KRT74: variants seen among roughly 807,000 people sequenced by gnomAD.
The protein encoded by KRT74 is keratin, type II cytoskeletal 74.
Under a neutral mutation model 42.7 loss-of-function variants are expected in KRT74, and 43 were observed. That is an observed-to-expected ratio of 1.01 (90% confidence interval 0.79 to 1.30). The LOEUF is 1.30. Ranked by LOEUF, KRT74 falls within the 50% of genes most tolerant of loss-of-function variation. KRT74 has a pLI of 0.00. For missense variants in KRT74, 736 were observed against 689.1 expected (o/e 1.07, Z -0.76); for synonymous variants, 302 against 279.0 (o/e 1.08, Z -0.82).
At chr12:52,568,694 G>A (rs770526876) in intron 6 of KRT74, among the ~76,000 whole-genome samples, 6 of 152,212 alleles carry the variant, frequency 3.9e-5, no homozygotes, top group Non-Finnish European at 7.3e-5. Context: ...AAATACTACA[G>A]GTTCAGGAAA....
In KRT74 at chr12:52,568,223, G is replaced by A; in HGVS notation, c.1301C>T (p.Ala434Val). 1 of 1,614,144 alleles carries A rather than the reference G, an allele frequency of 6.2e-7. No individual in the cohort carries two copies. The highest frequency in any genetic ancestry group is 8.5e-7 in the Non-Finnish European group (1 of 1,180,024). The change falls in exon 7 of 9, where the codon GCC (alanine) becomes GTC (valine). Residue 434 changes from alanine (A) to valine (V), a missense_variant. Ala to Val is a moderately conservative substitution (Grantham distance 64). Transcript: ENST00000305620. ...EYQELMSLKL[A>V]LDMEIATYRK... ...GTAGGTGGCAATCTCCATGTCCAGG[G>A]CCAGTTTCAGGCTCATGAGCTCCTG...
At position 52,570,765 on chromosome 12, in the gene KRT74, G is replaced by T. The variant is rs763821413; in HGVS notation, c.912C>A (p.Asp304Glu). 1.2e-6 allele frequency: 2 copies of T among 1,614,238 alleles called. No homozygotes were observed. The highest frequency in any genetic ancestry group is 1.1e-5 in the South Asian group (1 of 91,084). Residue 304 changes from aspartate (D) to glutamate (E), a missense_variant, in exon 5 of 9, where the codon GAC becomes GAA. Physicochemically the swap from Asp to Glu is conservative, Grantham distance 45. Coordinates refer to ENST00000305620, the MANE Select transcript of KRT74 (RefSeq NM_175053.4). ...SVILSMDNNR[D>E]LDLDSIIAEV... ...CAGCGATGATGCTGTCAAGGTCCAGGTCCCGGTTGTTGTCCATGGACAGGA... is the reference window on the plus strand; with the variant it reads ...CAGCGATGATGCTGTCAAGGTCCAGTTCCCGGTTGTTGTCCATGGACAGGA...
intron 2 of KRT74, 98 bp from the exon 3 acceptor site, chr12:52,572,102 G>A: frequency 3.3e-6 from 3 of 897,888 alleles, no homozygotes; most frequent in Middle Eastern, 2.6e-4. Flanking sequence ...GTCCCTGCAG[G>A]GTCTCTGGGG....
intron 6 of KRT74, chr12:52,569,418 C>T: frequency 1.8e-6 from 1 of 558,380 alleles, no homozygotes; most frequent in Non-Finnish European, 3.2e-6. Context: ...CTGATGCATA[C>T]CCTCTGCACC....
Position 52,573,316 on chromosome 12 carries a change from G to A in KRT74, c.462C>T (p.Phe154=). The A allele has an allele frequency of 6.2e-7, 1 of 1,614,132 alleles. No homozygotes were observed. The highest frequency in any genetic ancestry group is 8.5e-7 in the Non-Finnish European group (1 of 1,179,984). ...CTCCTATGAGACCCACCTTGTCAAT[G>A]AAGGAGGCGAACTTGTCGTTCAGCA... ...IKVLNDKFAS[F]IDKVRFLEQQ... The change falls in exon 1 of 9, where the codon TTC becomes TTT. Residue 154 remains phenylalanine (F), a synonymous_variant. Coordinates refer to ENST00000305620, the MANE Select transcript of KRT74 (RefSeq NM_175053.4).
chr12:52,566,866 C>G lies in KRT74; in HGVS notation c.*103G>C, dbSNP rs977378164. On this transcript the variant is annotated 3_prime_UTR_variant, in exon 9 of 9. Coordinates refer to ENST00000305620, the MANE Select transcript of KRT74 (RefSeq NM_175053.4). ...TGCAGACAGTTGAGTGTACTACAGACAGTTTTAAAACTCAGGGCCTGGGAA... is the reference window on the plus strand; with the variant it reads ...TGCAGACAGTTGAGTGTACTACAGAGAGTTTTAAAACTCAGGGCCTGGGAA... The G allele has an allele frequency of 8.8e-6, 8 of 907,608 alleles. No individual in the cohort carries two copies. Among genetic ancestry groups the G allele is most frequent in the Non-Finnish European group, 1.4e-5 (8 of 586,228 alleles). The allele number at this position is 907,608 out of a possible 1,614,324, so 56.2% of individuals were successfully genotyped here. A position where few individuals can be genotyped will look rare whatever the true frequency, so the allele number is the denominator to read the frequency against.
chr12:52,571,040 C>T (rs947560245), intron 4 of KRT74, among the ~76,000 whole-genome samples: 2 of 152,226 alleles, frequency 1.3e-5, no homozygotes, highest in African/African-American at 2.4e-5. Context: ...GGCAGATGCC[C>T]GCTGGCACAT....
chr12:52,573,708 G>A lies in KRT74; in HGVS notation c.70C>T (p.Pro24Ser). 6.2e-7 allele frequency: 1 copy of A among 1,614,148 alleles called. No homozygotes were observed. Among genetic ancestry groups the A allele is most frequent in the East Asian group, 2.2e-5 (1 of 44,890 alleles). ...GCCAGGCTACCCACAGCCTTCCTTG[G>A]CACCACTGCCGAATGCACACTGAAG... ...GNFSVHSAVV[P>S]RKAVGSLASY... The change falls in exon 1 of 9, where the codon CCA (proline) becomes TCA (serine). Residue 24 changes from proline (P) to serine (S), a missense_variant. Pro to Ser is a moderately conservative substitution (Grantham distance 74). Coordinates refer to ENST00000305620, the MANE Select transcript of KRT74 (RefSeq NM_175053.4).
Position 52,568,356 on chromosome 12 carries a change from C to T in KRT74, c.1168G>A (p.Glu390Lys). 1.2e-6 allele frequency: 2 copies of T among 1,614,250 alleles called. No homozygotes were observed. The highest frequency in any genetic ancestry group is 1.7e-6 in the Non-Finnish European group (2 of 1,180,058). ...TTCAGGGCATTGTCTCCCCGCTGCT[C>T]AGCGTCAGCGATGGCCGTCTCCAGG... Reference protein sequence around the residue: ...ASLETAIADAEQRGDNALKDA... With the variant: ...ASLETAIADAKQRGDNALKDA... The change falls in exon 7 of 9, where the codon GAG becomes AAG. Residue 390 changes from glutamate (E) to lysine (K), a missense_variant. Transcript: ENST00000305620.
chr12:52,573,187 G>C, intron 1 of KRT74, 120 bp downstream of exon 1: 1 of 957,328 alleles, frequency 1.0e-6, no homozygotes, highest in Non-Finnish European at 1.7e-6. Context: ...CTAATGGTGA[G>C]GAAGCCCTTC....
At position 52,573,399 on chromosome 12, in the gene KRT74, C is replaced by T. The variant is rs1371946533; in HGVS notation, c.379G>A (p.Val127Met). 12 of 1,614,096 alleles carry T rather than the reference C, an allele frequency of 7.4e-6. No individual in the cohort carries two copies. The highest frequency in any genetic ancestry group is 6.7e-5 in the East Asian group (3 of 44,892). Reference protein sequence around the residue: ...VNKSLLAPLNVELDPEIQKVR... With the variant: ...VNKSLLAPLNMELDPEIQKVR... Reference sequence around the variant, plus strand: ...TTCTGGATCTCAGGGTCCAGCTCCACGTTGAGGGGGGCCAAGAGGCTCTTG... The same window carrying T: ...TTCTGGATCTCAGGGTCCAGCTCCATGTTGAGGGGGGCCAAGAGGCTCTTG... The change falls in exon 1 of 9, where the codon GTG becomes ATG. Residue 127 changes from valine (V) to methionine (M), a missense_variant. Coordinates refer to ENST00000305620, the MANE Select transcript of KRT74 (RefSeq NM_175053.4).
Position 52,571,928 on chromosome 12 carries a change from C to G in KRT74, c.747+16G>C. 1.3e-6 allele frequency: 2 copies of G among 1,488,678 alleles called. No homozygotes were observed. Among genetic ancestry groups the G allele is most frequent in the Non-Finnish European group, 1.9e-6 (2 of 1,066,236 alleles). 92.2% of individuals were successfully genotyped at this position (1,488,678 alleles called of 1,614,324 possible). On this transcript the variant is annotated intron_variant, in intron 3 of 8. Coordinates refer to ENST00000305620, the MANE Select transcript of KRT74 (RefSeq NM_175053.4). ...GGTGCGAGAGACCCTAATAAGGAGGCTCCTCCCTCTCTTACCTTCTTAAGC... is the reference window on the plus strand; with the variant it reads ...GGTGCGAGAGACCCTAATAAGGAGGGTCCTCCCTCTCTTACCTTCTTAAGC...
At chr12:52,568,877 G>C (rs1354160287) in intron 6 of KRT74, among the ~76,000 whole-genome samples, 1 of 152,178 alleles carries the variant, frequency 6.6e-6, no homozygotes, top group East Asian at 1.9e-4. Context: ...CTGTGTGAAG[G>C]CTCCCACATC....
In KRT74 at chr12:52,572,624, C is replaced by A. The variant is rs200761203; in HGVS notation, c.515G>T (p.Trp172Leu). 1.2e-6 allele frequency: 2 copies of A among 1,614,184 alleles called. No individual in the cohort carries two copies. The highest frequency in any genetic ancestry group is 4.5e-5 in the East Asian group (2 of 44,878). The change falls in exon 2 of 9, where the codon TGG becomes TTG. Residue 172 changes from tryptophan to leucine, a missense_variant. Physicochemically the swap from Trp to Leu is moderately conservative, Grantham distance 61 (BLOSUM62 -2). Transcript: ENST00000305620. ...CAGGTCCAGCTGCTGCAGCAGCTCC[C>A]ACTTGGTTTCTAGAACCTGGTTCTG... ...EQQNQVLETK[W>L]ELLQQLDLNN...
intron 8 of KRT74, 130 bp downstream of exon 8, chr12:52,567,529 T>C: frequency 1.3e-6 from 1 of 776,830 alleles, no homozygotes; most frequent in Non-Finnish European, 2.3e-6. Context: ...ACATTTCCTT[T>C]GAAGCCCAGA....
chr12:52,573,253 G>T, intron 1 of KRT74, 54 bp downstream of exon 1: 2 of 1,557,366 alleles, frequency 1.3e-6, no homozygotes, highest in Non-Finnish European at 1.8e-6. Context: ...CCAGGCAGCA[G>T]GAAAACTGCT....
chr12:52,571,315 G>C, intron 4 of KRT74, 44 bp downstream of exon 4: 1 of 1,185,986 alleles, frequency 8.4e-7, no homozygotes, highest in Non-Finnish European at 1.3e-6. Flanking sequence ...TGGAAGAGTC[G>C]GGAAGGAGGC....
chr12:52,572,726 C>A, intron 1 of KRT74, 59 bp from the exon 2 acceptor site: 1 of 1,481,842 alleles, frequency 6.7e-7, no homozygotes, highest in Non-Finnish European at 9.4e-7. Flanking sequence ...GCCCCCTGGA[C>A]ACACACCATT....
In KRT74 at chr12:52,567,124, C is replaced by CA. The variant is rs780483406; in HGVS notation, c.1434dup (p.Ala479CysfsTer4). On this transcript the variant is annotated frameshift_variant, in exon 9 of 9. Transcript: ENST00000305620. LOFTEE classifies it low-confidence loss of function (END_TRUNC). The stretch of plus-strand genomic sequence containing the variant: ...GCGCTGGCCCCAAGGTCAACACCCG[C>CA]AGAGCTGGGGTGGTGGTAGCTGTAG... The CA allele has an allele frequency of 4.4e-6, 7 of 1,605,492 alleles. No homozygotes were observed. The highest frequency in any genetic ancestry group is 6.0e-6 in the Non-Finnish European group (7 of 1,173,452).
Sources: allele counts gnomAD v4.1 joint callset (sites outside exome capture counted in the v4.1 genomes callset), GRCh38; gene constraint gnomAD v4.1.1; transcripts MANE v1.5; gene names NCBI Gene and HGNC (gene_info 2026-07-23, HGNC 2026-07-21).